The following DNAH7 variants were observed in gnomAD, a reference collection of about 807,000 sequenced individuals.
The protein encoded by DNAH7 is dynein axonemal heavy chain 7, also known as axonemal beta dynein heavy chain 7.
DNAH7 carries 397 observed loss-of-function variants against 444.6 expected under a neutral mutation model. The observed-to-expected ratio is 0.89, with a 90% confidence interval of 0.82 to 0.97. The LOEUF (loss-of-function observed/expected upper bound fraction) is 0.97. Among genes scored for constraint, DNAH7 ranks in the 50% least tolerant of loss-of-function variants. The pLI is 0.00. For missense variants in DNAH7, 4,902 were observed against 4,800.8 expected, an observed-to-expected ratio of 1.02 and a Z score of -0.62; for synonymous variants, 1,636 against 1,624.4, an observed-to-expected ratio of 1.01 and a Z score of -0.17.
chr2:195,755,402 C>T (rs1400882984), intron 62 of DNAH7, among the ~76,000 whole-genome samples: 5 of 151,984 alleles, frequency 3.3e-5, no homozygotes, highest in Non-Finnish European at 5.9e-5. Flanking sequence ...AGTTGAATAC[C>T]AACTTTAACT....
chr2:195,855,874 C>A lies in DNAH7; in HGVS notation c.8532G>T (p.Lys2844Asn). 1.2e-6 allele frequency: 2 copies of A among 1,614,048 alleles called. No individual in the cohort carries two copies. The highest frequency in any genetic ancestry group is 1.7e-5 in the Admixed American group (1 of 60,014). The change falls in exon 45 of 65, where the codon AAG becomes AAT. Residue 2844 changes from lysine (K) to asparagine (N), a missense_variant. Coordinates refer to ENST00000312428, the MANE Select transcript of DNAH7 (RefSeq NM_018897.3). ...CAAGTGTGTCTTGAAGCCTGGCCAGCTTGTCCTGAACTTCCTTAAGGGCTG... is the reference window on the plus strand; with the variant it reads ...CAAGTGTGTCTTGAAGCCTGGCCAGATTGTCCTGAACTTCCTTAAGGGCTG... ...KQAALKEVQD[K>N]LARLQDTLEL...
At chr2:196,010,279 A>G (rs1210787630) in intron 10 of DNAH7, among the ~76,000 whole-genome samples, 1 of 151,828 alleles carries the variant, frequency 6.6e-6, no homozygotes, top group Non-Finnish European at 1.5e-5. Context: ...CTTCCCAAGT[A>G]GCTGGGATTA....
chr2:196,054,283 G>A (rs1207534896), intron 2 of DNAH7, among the ~76,000 whole-genome samples: 1 of 152,196 alleles, frequency 6.6e-6, no homozygotes, highest in African/African-American at 2.4e-5. Context: ...CACTTTGGGA[G>A]GCAAAGGGGA....
At chr2:195,930,261 G>A (rs536437752) in intron 21 of DNAH7, among the ~76,000 whole-genome samples, 91 of 152,258 alleles carry the variant, frequency 6.0e-4, no homozygotes, top group Middle Eastern at 6.8e-3. Context: ...AGAATTGCTT[G>A]AATCCAGGAG....
rs760943605 is a variant in DNAH7 at position 195,796,737 on chromosome 2, C to T, written c.10354G>A (p.Gly3452Arg). 1.9e-6 allele frequency: 3 copies of T among 1,612,960 alleles called. No individual in the cohort carries two copies. Among genetic ancestry groups the T allele is most frequent in the Non-Finnish European group, 2.5e-6 (3 of 1,179,522 alleles). The change falls in exon 56 of 65, where the codon GGA (glycine) becomes AGA (arginine). Residue 3452 changes from glycine (G) to arginine (R), a missense_variant and splice_region_variant. Transcript: ENST00000312428. The stretch of plus-strand genomic sequence containing the variant: ...GAGCTAAGTTTTGATCCCCCATATC[C>T]CTGTGTACAAGAATAGTAGAGATGT... ...AALLKFADDQ[G>R]YGGSKLSSLS...
chr2:196,024,717 CTTTCTTAACACAATGT>C (rs1695577310), intron 7 of DNAH7, among the ~76,000 whole-genome samples: 1 of 151,768 alleles, frequency 6.6e-6, no homozygotes, highest in Non-Finnish European at 1.5e-5. Flanking sequence ...TATATGTTCC[CTTTCTTAACACAATGT>C]GTCCCTCCTC....
intron 21 of DNAH7, among the ~76,000 whole-genome samples, chr2:195,929,712 A>C (rs2125384675): frequency 6.6e-6 from 1 of 152,380 alleles, no homozygotes; most frequent in African/African-American, 2.4e-5. Flanking sequence ...CATCATATAC[A>C]AAAATTAACT....
rs759816585 is a variant in DNAH7, at chr2:195,919,236, TA to T, written c.3935+2851del. Among the ~76,000 whole-genome samples the T allele has an allele frequency of 5.6e-3, 787 of 139,404 alleles. 2 individuals carry two copies. The highest frequency in any genetic ancestry group is 0.011 in the Middle Eastern group (3 of 278). The allele number at this position is 139,404 out of a possible 152,430, so 91.5% of individuals were successfully genotyped here. On this transcript the variant is annotated intron_variant, in intron 24 of 64. Coordinates refer to ENST00000312428, the MANE Select transcript of DNAH7 (RefSeq NM_018897.3). ...CCTGGAGACAGAGCAAGACTTTGTT[TA>T]AAAAAAAAAAAAAAAGATGTTAATG...
At chr2:195,787,279 G>T in intron 57 of DNAH7, 108 bp from the exon 58 acceptor site, 1 of 1,162,720 alleles carries the variant, frequency 8.6e-7, no homozygotes, top group Non-Finnish European at 1.2e-6. Context: ...AATAGCATAG[G>T]GACATATTCA....
At chr2:195,806,460 A>G (rs1201688441) in intron 54 of DNAH7, among the ~76,000 whole-genome samples, 1 of 152,226 alleles carries the variant, frequency 6.6e-6, no homozygotes, top group Non-Finnish European at 1.5e-5. Flanking sequence ...ACAAATATGT[A>G]AAGGGAGTAG....
chr2:195,899,683 G>A (rs956286738), intron 28 of DNAH7, among the ~76,000 whole-genome samples: 1 of 152,054 alleles, frequency 6.6e-6, no homozygotes, highest in African/African-American at 2.4e-5. Context: ...CAAGCTCCAA[G>A]GTCACATTTT....
chr2:195,987,122 A>G lies in DNAH7; in HGVS notation c.1698T>C (p.Ile566=). 6.2e-7 allele frequency: 1 copy of G among 1,609,344 alleles called. No individual in the cohort carries two copies. Among genetic ancestry groups the G allele is most frequent in the Non-Finnish European group, 8.5e-7 (1 of 1,178,406 alleles). The change falls in exon 14 of 65, where the codon ATT becomes ATC. Residue 566 remains isoleucine (I), a synonymous_variant. Coordinates refer to ENST00000312428, the MANE Select transcript of DNAH7 (RefSeq NM_018897.3). ...LIRALVKRAD[I]ICGKLLAKMF... is the part of the protein sequence containing the mutation. ...TTTTAGCTAGAAGTTTCCCACAAATAATATCTGCTCGCTTCACCAAAGCTC... is the reference window on the plus strand; with the variant it reads ...TTTTAGCTAGAAGTTTCCCACAAATGATATCTGCTCGCTTCACCAAAGCTC...
chr2:195,936,931 A>G (rs1234742123), intron 19 of DNAH7, 139 bp from the exon 20 acceptor site: 2 of 719,606 alleles, frequency 2.8e-6, no homozygotes, highest in African/African-American at 3.7e-5. Context: ...GTTTTTTAAA[A>G]GTAGTCTTGC....
rs61022291 is a variant in DNAH7, at chr2:196,002,871, G to A, written c.990-1013C>T. Reference sequence around the variant, plus strand: ...AAAAATACAAAAATTAGCTGGGTGTGGTGGTGAGTGCCTGTAATCCCAGCT... The same window carrying A: ...AAAAATACAAAAATTAGCTGGGTGTAGTGGTGAGTGCCTGTAATCCCAGCT... On this transcript the variant is annotated intron_variant, in intron 10 of 64. Transcript: ENST00000312428. 0.019 allele frequency among the ~76,000 whole-genome samples: 2,916 copies of A among 152,090 alleles called. 239 individuals carry two copies. In the East Asian group the frequency reaches 0.26, roughly 14 times the overall value.
chr2:195,949,255 T>C (rs528640687), intron 19 of DNAH7, among the ~76,000 whole-genome samples: 65 of 152,288 alleles, frequency 4.3e-4, no homozygotes, highest in African/African-American at 1.5e-3. Context: ...TCTGACTTCC[T>C]CTCTTCCTTT....
intron 10 of DNAH7, among the ~76,000 whole-genome samples, chr2:196,003,589 G>A (rs1694182542): frequency 6.6e-6 from 1 of 152,128 alleles, no homozygotes; most frequent in Non-Finnish European, 1.5e-5. Context: ...AGTACTGGAG[G>A]CATTCATAAG....
intron 49 of DNAH7, among the ~76,000 whole-genome samples, chr2:195,823,826 A>G (rs1697583400): frequency 6.6e-6 from 1 of 152,214 alleles, no homozygotes; most frequent in South Asian, 2.1e-4. Flanking sequence ...AGTATTCTAA[A>G]AGAAGTGATT....
At chr2:196,011,995 G>A (rs1381147076) in intron 10 of DNAH7, among the ~76,000 whole-genome samples, 1 of 151,996 alleles carries the variant, frequency 6.6e-6, no homozygotes, top group Non-Finnish European at 1.5e-5. Context: ...TAAAATAAAA[G>A]GCTAAAGTTT....
Position 195,922,103 on chromosome 2 carries a change from G to T in DNAH7, c.3920C>A (p.Thr1307Lys). 6.3e-7 allele frequency: 1 copy of T among 1,596,758 alleles called. No homozygotes were observed. The highest frequency in any genetic ancestry group is 8.6e-7 in the Non-Finnish European group (1 of 1,164,394). Residue 1307 changes from threonine (T) to lysine (K), a missense_variant, in exon 24 of 65, where the codon ACG becomes AAG. Coordinates refer to ENST00000312428, the MANE Select transcript of DNAH7 (RefSeq NM_018897.3). The stretch of plus-strand genomic sequence containing the variant: ...AAGGGTTTACCTGTAACATCTATCC[G>T]TGAGTGGTGTAATAACCAGCCTAGG... Reference protein sequence around the residue: ...NSPRLVITPLTDRCYRTLFGA... With the variant: ...NSPRLVITPLKDRCYRTLFGA...
Sources: allele counts gnomAD v4.1 joint callset (sites outside exome capture counted in the v4.1 genomes callset), GRCh38; gene constraint gnomAD v4.1.1; transcripts MANE v1.5; gene names NCBI Gene and HGNC (gene_info 2026-07-23, HGNC 2026-07-21).